Variants in CNTNAP5 observed in about 807,000 individuals in gnomAD.
The protein encoded by CNTNAP5 is contactin-associated protein-like 5.
A neutral mutation model predicts 150.2 loss-of-function variants in CNTNAP5; 72 were observed. That is an observed-to-expected ratio of 0.48 (90% CI 0.40 to 0.58). The LOEUF is 0.58. Ranked by LOEUF, CNTNAP5 falls within the 20% of genes least tolerant of loss-of-function variation. The pLI, the probability that CNTNAP5 is intolerant of heterozygous loss-of-function variation, is 0.00. For synonymous variants in CNTNAP5, 672 were observed against 619.8 expected, an observed-to-expected ratio of 1.08 and a Z score of -1.25; for missense variants, 1,636 against 1,626.2, an observed-to-expected ratio of 1.01 and a Z score of -0.10.
chr2:124,303,429 T>C lies in CNTNAP5; in HGVS notation c.381+61036T>C, dbSNP rs183159988. ...AGACAGAGAAGCAGCAGCCTGTCCA[T>C]GTCAACAGCCATAGAAAATGTCTGA... On this transcript the variant is annotated intron_variant, in intron 3 of 23. Coordinates refer to ENST00000682447, the MANE Select transcript of CNTNAP5 (RefSeq NM_001367498.1). Among the ~76,000 whole-genome samples the C allele has an allele frequency of 3.8e-4, 58 of 152,306 alleles. No individual in the cohort carries two copies. The East Asian group carries it at 0.011, about 28-fold the overall frequency.
chr2:124,851,524 T>C (rs1036171025), intron 19 of CNTNAP5, among the ~76,000 whole-genome samples: 1 of 152,178 alleles, frequency 6.6e-6, no homozygotes, highest in Admixed American at 6.5e-5. Flanking sequence ...TACGTTGGCA[T>C]CAGATAAAAA....
chr2:124,792,276 A>T (rs188903618), intron 18 of CNTNAP5, among the ~76,000 whole-genome samples: 1 of 152,312 alleles, frequency 6.6e-6, no homozygotes, highest in African/African-American at 2.4e-5. Flanking sequence ...TAAACTAGTA[A>T]TTAACTGCAA....
chr2:124,297,396 C>T (rs577403272), intron 3 of CNTNAP5, among the ~76,000 whole-genome samples: 103 of 152,186 alleles, frequency 6.8e-4, no homozygotes, highest in African/African-American at 2.3e-3. Flanking sequence ...AATGATACAC[C>T]CTTTGGATCT....
At chr2:124,666,371 G>C (rs1352102380) in intron 13 of CNTNAP5, among the ~76,000 whole-genome samples, 1 of 152,150 alleles carries the variant, frequency 6.6e-6, no homozygotes, top group Non-Finnish European at 1.5e-5. Flanking sequence ...CCAGTACACT[G>C]GGTGAGAGTG....
chr2:124,144,658 A>T (rs1401820432), intron 1 of CNTNAP5, among the ~76,000 whole-genome samples: 2 of 138,258 alleles, frequency 1.4e-5, no homozygotes, highest in East Asian at 4.6e-4. Context: ...TGGATTAAAG[A>T]TTTAAATGTT....
rs2104720329 is a variant in CNTNAP5 at position 124,865,398 on chromosome 2, T to C, written c.3310T>C (p.Leu1104=). The C allele has an allele frequency of 6.4e-7, 1 of 1,552,932 alleles. No homozygotes were observed. Among genetic ancestry groups the C allele is most frequent in the Admixed American group, 2.0e-5 (1 of 51,082 alleles). ...CTTTGCTAACAGAAGGATGCACCAC[T>C]TGAAGATTAACCGAGAGGGAAGAGA... ...DNFANRRMHH[L]KINREGRELT... is the part of the protein sequence containing the mutation. The change falls in exon 20 of 24, where the codon TTG becomes CTG. Residue 1104 remains leucine (L), a synonymous_variant. Coordinates refer to ENST00000682447, the MANE Select transcript of CNTNAP5 (RefSeq NM_001367498.1).
intron 6 of CNTNAP5, among the ~76,000 whole-genome samples, chr2:124,459,090 A>G (rs138534715): frequency 1.3e-5 from 2 of 152,374 alleles, no homozygotes; most frequent in African/African-American, 4.8e-5. Flanking sequence ...GCAATGGAAT[A>G]TATGCTAGGT....
At chr2:124,255,996 CT>C (rs1687303862) in intron 3 of CNTNAP5, among the ~76,000 whole-genome samples, 1 of 152,128 alleles carries the variant, frequency 6.6e-6, no homozygotes, top group Admixed American at 6.6e-5. Context: ...CATCTTTTAA[CT>C]GTGTAGAAAA....
rs957918247 is a variant in CNTNAP5 at position 124,790,005 on chromosome 2, A to G, written c.2856A>G (p.Gly952=). The G allele has an allele frequency of 1.9e-6, 3 of 1,613,964 alleles. No homozygotes were observed. The highest frequency in any genetic ancestry group is 1.7e-6 in the Non-Finnish European group (2 of 1,179,858). Reference sequence around the variant, plus strand: ...AAGAGAGGGCAAAGGTCACATCTGGAGTCAGGCCAGGCTGCCCCGGCCACT... The same window carrying G: ...AAGAGAGGGCAAAGGTCACATCTGGGGTCAGGCCAGGCTGCCCCGGCCACT... ...DLEERAKVTS[G]VRPGCPGHCS... Residue 952 remains glycine (G), a synonymous_variant, in exon 18 of 24, where the codon GGA becomes GGG. Coordinates refer to ENST00000682447, the MANE Select transcript of CNTNAP5 (RefSeq NM_001367498.1).
At chr2:124,585,668 G>GTTTTTTTTT (rs1558964959) in intron 11 of CNTNAP5, among the ~76,000 whole-genome samples, 1 of 89,652 alleles carries the variant, frequency 1.1e-5, no homozygotes, top group African/African-American at 4.3e-5. Flanking sequence ...AGAGCTTGAA[G>GTTTTTTTTT]CTTTTTTTTT....
chr2:124,407,725 T>C (rs1305487455), intron 3 of CNTNAP5, among the ~76,000 whole-genome samples: 7 of 152,208 alleles, frequency 4.6e-5, no homozygotes, highest in Admixed American at 3.9e-4. Flanking sequence ...ATCTGGGTTC[T>C]AGGTGTGGTG....
intron 19 of CNTNAP5, among the ~76,000 whole-genome samples, chr2:124,853,259 A>G (rs1683192881): frequency 6.6e-6 from 1 of 152,172 alleles, no homozygotes; most frequent in Admixed American, 6.6e-5. Flanking sequence ...ACATTGTGGC[A>G]CCCAGGCTAA....
intron 1 of CNTNAP5, among the ~76,000 whole-genome samples, chr2:124,217,655 C>T (rs555113757): frequency 1.3e-5 from 2 of 152,278 alleles, no homozygotes; most frequent in Admixed American, 1.3e-4. Flanking sequence ...TGTGAATGAG[C>T]TATTTATGAT....
At chr2:124,259,827 T>C (rs1687407166) in intron 3 of CNTNAP5, among the ~76,000 whole-genome samples, 1 of 152,112 alleles carries the variant, frequency 6.6e-6, no homozygotes, top group Non-Finnish European at 1.5e-5. Flanking sequence ...AAGGACCTCT[T>C]CAAGGAGAAC....
At chr2:124,605,057 A>T (rs1214316938) in intron 11 of CNTNAP5, among the ~76,000 whole-genome samples, 4 of 152,126 alleles carry the variant, frequency 2.6e-5, no homozygotes, top group Non-Finnish European at 5.9e-5. Flanking sequence ...GAGGCCTGAC[A>T]AGTACTTTGT....
At chr2:124,035,428 T>A (rs1681187333) in intron 1 of CNTNAP5, among the ~76,000 whole-genome samples, 2 of 152,092 alleles carry the variant, frequency 1.3e-5, no homozygotes. Context: ...TCTCCATCTC[T>A]TCCTTCTACC....
chr2:124,235,805 T>G, intron 2 of CNTNAP5, among the ~76,000 whole-genome samples: 1 of 152,164 alleles, frequency 6.6e-6, no homozygotes, highest in Non-Finnish European at 1.5e-5. Flanking sequence ...CACCACTCCC[T>G]TAGGTGAACC....
At chr2:124,079,838 G>A (rs950990128) in intron 1 of CNTNAP5, among the ~76,000 whole-genome samples, 1 of 152,078 alleles carries the variant, frequency 6.6e-6, no homozygotes, top group Non-Finnish European at 1.5e-5. Flanking sequence ...GCTCAATAAT[G>A]CTCAAAATGC....
chr2:124,206,957 A>C (rs928829332), intron 1 of CNTNAP5, among the ~76,000 whole-genome samples: 1 of 152,212 alleles, frequency 6.6e-6, no homozygotes, highest in Non-Finnish European at 1.5e-5. Flanking sequence ...AACATAAGCA[A>C]ACAATTGATT....
Sources: gnomAD v4.1 joint callset for allele counts (sites outside exome capture counted in the v4.1 genomes callset) on GRCh38, gnomAD v4.1.1 for gene constraint, MANE v1.5 for transcripts, NCBI Gene and HGNC (gene_info 2026-07-23, HGNC 2026-07-21) for gene names.